Variants in LCLAT1 observed in about 807,000 individuals in gnomAD.
LCLAT1 encodes 1-AGP acyltransferase 8.
In LCLAT1, 11 loss-of-function variants were observed where a neutral mutation model predicts 30.7. That is an observed-to-expected ratio of 0.36 (90% CI 0.23 to 0.59). The LOEUF is 0.59. Ranked by LOEUF, LCLAT1 falls within the 20% of genes least tolerant of loss-of-function variation. The probability of loss-of-function intolerance (pLI) is 0.77; values close to 1 mark genes in which losing one functional copy is unlikely to be tolerated. For synonymous variants in LCLAT1, 155 were observed against 151.3 expected, an observed-to-expected ratio of 1.02 and a Z score of -0.18; for missense variants, 402 against 458.6, an observed-to-expected ratio of 0.88 and a Z score of 1.13.
At chr2:30,463,956 A>G (rs1682296252) in intron 1 of LCLAT1, among the ~76,000 whole-genome samples, 1 of 152,166 alleles carries the variant, frequency 6.6e-6, no homozygotes, top group South Asian at 2.1e-4. Context: ...TCTTACTTTT[A>G]TGAGTACTTT....
chr2:30,560,692 G>T (rs781151264), intron 3 of LCLAT1, among the ~76,000 whole-genome samples: 1 of 152,094 alleles, frequency 6.6e-6, no homozygotes, highest in Non-Finnish European at 1.5e-5. Context: ...TGTATTATCA[G>T]GGTTCTGTTG....
At chr2:30,626,132 C>T (rs936919856) in intron 5 of LCLAT1, among the ~76,000 whole-genome samples, 3 of 152,188 alleles carry the variant, frequency 2.0e-5, no homozygotes, top group African/African-American at 7.2e-5. Context: ...TCAATCCTAA[C>T]ATCAGAACAT....
chr2:30,465,040 G>A (rs1167640604), intron 1 of LCLAT1, among the ~76,000 whole-genome samples: 3 of 152,066 alleles, frequency 2.0e-5, no homozygotes, highest in Non-Finnish European at 4.4e-5. Flanking sequence ...GAGATCCTCT[G>A]TGGTAGGCTG....
At chr2:30,543,491 G>A (rs758698561) in intron 3 of LCLAT1, among the ~76,000 whole-genome samples, 1 of 152,090 alleles carries the variant, frequency 6.6e-6, no homozygotes, top group African/African-American at 2.4e-5. Context: ...TTAAGAGTTT[G>A]TATAGGACTG....
At chr2:30,536,498 A>G (rs978455986) in intron 3 of LCLAT1, among the ~76,000 whole-genome samples, 4 of 152,234 alleles carry the variant, frequency 2.6e-5, no homozygotes, top group African/African-American at 9.6e-5. Flanking sequence ...ACATGCTGAA[A>G]GAAAAAACTG....
chr2:30,638,572 AT>A (rs1356986119), intron 5 of LCLAT1, among the ~76,000 whole-genome samples: 7 of 152,244 alleles, frequency 4.6e-5, no homozygotes, highest in African/African-American at 1.7e-4. Flanking sequence ...AGAAAGTAAC[AT>A]TCAGAGACTC....
intron 1 of LCLAT1, among the ~76,000 whole-genome samples, chr2:30,448,374 G>A (rs1250088742): frequency 1.3e-5 from 2 of 152,156 alleles, no homozygotes; most frequent in East Asian, 1.9e-4. Flanking sequence ...TTGAGAGTAA[G>A]TAAAAATACA....
intron 5 of LCLAT1, among the ~76,000 whole-genome samples, chr2:30,584,946 CAAAAAAA>C (rs33956361): frequency 6.5e-5 from 7 of 107,280 alleles, no homozygotes; most frequent in Admixed American, 3.8e-4. Flanking sequence ...TACTATATTT[CAAAAAAA>C]AAAAAAAAAA....
chr2:30,477,937 TC>T (rs917656402), intron 1 of LCLAT1, among the ~76,000 whole-genome samples: 4 of 152,008 alleles, frequency 2.6e-5, no homozygotes, highest in African/African-American at 7.2e-5. Flanking sequence ...TTTCTCTCTC[TC>T]CCCCCTGAAA....
At chr2:30,628,579 A>T (rs1442261887) in intron 5 of LCLAT1, among the ~76,000 whole-genome samples, 1 of 152,206 alleles carries the variant, frequency 6.6e-6, no homozygotes, top group Non-Finnish European at 1.5e-5. Context: ...CTCACAGATC[A>T]GTGGAGCAGA....
intron 3 of LCLAT1, among the ~76,000 whole-genome samples, chr2:30,558,823 A>G (rs1247484096): frequency 6.6e-6 from 1 of 152,206 alleles, no homozygotes; most frequent in Non-Finnish European, 1.5e-5. Flanking sequence ...GAACAGACAT[A>G]AACCCTATGA....
intron 5 of LCLAT1, among the ~76,000 whole-genome samples, chr2:30,609,786 G>T (rs1026460989): frequency 4.6e-5 from 7 of 151,942 alleles, no homozygotes; most frequent in African/African-American, 1.7e-4. Context: ...TTCGTTTCCT[G>T]TGTTATTACT....
At chr2:30,503,964 G>C (rs543677696) in intron 1 of LCLAT1, among the ~76,000 whole-genome samples, 3 of 152,176 alleles carry the variant, frequency 2.0e-5, no homozygotes, top group Non-Finnish European at 4.4e-5. Flanking sequence ...CTAATGGAAA[G>C]AACGCTTAGC....
At chr2:30,585,861 C>T (rs571116059) in intron 5 of LCLAT1, among the ~76,000 whole-genome samples, 1 of 152,242 alleles carries the variant, frequency 6.6e-6, no homozygotes, top group Non-Finnish European at 1.5e-5. Context: ...TGGAGAAAAT[C>T]CCCTAAACCA....
At chr2:30,582,903 A>G (rs1303295136) in intron 5 of LCLAT1, among the ~76,000 whole-genome samples, 1 of 152,240 alleles carries the variant, frequency 6.6e-6, no homozygotes, top group Admixed American at 6.5e-5. Context: ...ATTGGCTAAT[A>G]GCTTGTAACA....
chr2:30,612,984 AAGG>A (rs1307690712), intron 5 of LCLAT1, among the ~76,000 whole-genome samples: 6 of 152,152 alleles, frequency 3.9e-5, no homozygotes, highest in Non-Finnish European at 7.3e-5. Flanking sequence ...AAAATAAATC[AAGG>A]AAGAGGGAAG....
At position 30,475,725 on chromosome 2, in the gene LCLAT1, G is replaced by GT. The variant is rs377352545; in HGVS notation, c.-5+28345dup. On this transcript the variant is annotated intron_variant, in intron 1 of 5. Coordinates refer to ENST00000379509, the MANE Select transcript of LCLAT1 (RefSeq NM_001002257.3). ...CCTTTTAGTGATTCTTTCTGATACAGTTTCTCCTAATATGTGATGCCCTCT... is the reference window on the plus strand; with the variant it reads ...CCTTTTAGTGATTCTTTCTGATACAGTTTTCTCCTAATATGTGATGCCCTCT... Among the ~76,000 whole-genome samples, 212 of 152,254 alleles carry GT rather than the reference G, an allele frequency of 1.4e-3. 1 individual carries two copies. Among genetic ancestry groups the GT allele is most frequent in the African/African-American group, 5.0e-3 (208 of 41,556 alleles).
At chr2:30,638,954 T>TC (rs1669168420) in intron 5 of LCLAT1, among the ~76,000 whole-genome samples, 1 of 151,994 alleles carries the variant, frequency 6.6e-6, no homozygotes, top group Admixed American at 6.6e-5. Context: ...ATCAAACTAT[T>TC]CTACCTCTTT....
At chr2:30,516,718 C>A (rs1685203771) in intron 1 of LCLAT1, among the ~76,000 whole-genome samples, 1 of 152,158 alleles carries the variant, frequency 6.6e-6, no homozygotes, top group Admixed American at 6.5e-5. Context: ...ATCTGGTGGC[C>A]TGTACAGGGA....
Sources: gnomAD v4.1 joint callset for allele counts (sites outside exome capture counted in the v4.1 genomes callset) on GRCh38, gnomAD v4.1.1 for gene constraint, MANE v1.5 for transcripts, NCBI Gene and HGNC (gene_info 2026-07-23, HGNC 2026-07-21) for gene names.